NEGR1: variants seen among roughly 807,000 people sequenced by gnomAD.
NEGR1 encodes the protein IgLON family member 4.
Under a neutral mutation model 40.9 loss-of-function variants are expected in NEGR1, and 10 were observed. The ratio of observed to expected loss-of-function variants is 0.24; its 90% CI spans 0.15 to 0.42. The LOEUF (loss-of-function observed/expected upper bound fraction) is 0.42, where lower values mean the gene tolerates loss of function less well. NEGR1 is among the 10% of genes least tolerant of loss of function. The probability of loss-of-function intolerance (pLI) is 1.00; values close to 1 mark genes in which losing one functional copy is unlikely to be tolerated. For missense variants in NEGR1, 352 were observed against 438.9 expected (o/e 0.80, Z 1.77); for synonymous variants, 185 against 166.8 (o/e 1.11, Z -0.84).
chr1:71,694,307 C>T (rs1014962396), intron 4 of NEGR1, among the ~76,000 whole-genome samples: 8 of 151,068 alleles, frequency 5.3e-5, no homozygotes, highest in Non-Finnish European at 1.2e-4. Flanking sequence ...TTTCATGACC[C>T]CTTTTCATTA....
At chr1:72,198,132 A>G (rs1653065666) in intron 1 of NEGR1, among the ~76,000 whole-genome samples, 1 of 151,982 alleles carries the variant, frequency 6.6e-6, no homozygotes, top group Admixed American at 6.6e-5. Context: ...CTGAAAAGGT[A>G]CCTTCACTTT....
intron 3 of NEGR1, among the ~76,000 whole-genome samples, chr1:71,739,242 T>C (rs1655137589): frequency 6.9e-6 from 1 of 145,808 alleles, no homozygotes; most frequent in African/African-American, 2.6e-5. Flanking sequence ...GTGAAAAGAC[T>C]AGACTCGCTT....
intron 3 of NEGR1, among the ~76,000 whole-genome samples, chr1:71,775,346 CTTT>C (rs11290277): frequency 3.8e-4 from 50 of 131,478 alleles, no homozygotes; most frequent in Admixed American, 4.6e-4. Context: ...TATTCTTTAA[CTTT>C]TTTTTTTTTT....
chr1:72,004,400 G>A lies in NEGR1; in HGVS notation c.177-69089C>T, dbSNP rs145739119. 3.6e-3 allele frequency among the ~76,000 whole-genome samples: 549 copies of A among 152,134 alleles called. 2 individuals carry two copies. The highest frequency in any genetic ancestry group is 0.012 in the African/African-American group (515 of 41,526). Reference sequence around the variant, plus strand: ...CTGCTCATTGCAACCCCTGCCTCCCGGGTTCAAACTTCAGCCTCCTGAGTA... The same window carrying A: ...CTGCTCATTGCAACCCCTGCCTCCCAGGTTCAAACTTCAGCCTCCTGAGTA... On this transcript the variant is annotated intron_variant, in intron 1 of 6. Transcript: ENST00000357731.
chr1:71,688,540 C>A (rs1221565777), intron 4 of NEGR1, among the ~76,000 whole-genome samples: 1 of 146,972 alleles, frequency 6.8e-6, no homozygotes, highest in Non-Finnish European at 1.5e-5. Flanking sequence ...CTCACTGCAA[C>A]CTCTCCCTCC....
intron 1 of NEGR1, among the ~76,000 whole-genome samples, chr1:72,233,011 T>A (rs1654424619): frequency 6.6e-6 from 1 of 152,184 alleles, no homozygotes; most frequent in African/African-American, 2.4e-5. Context: ...AGTTATTGGG[T>A]AAAGATACCT....
chr1:72,043,148 C>T (rs1049792932), intron 1 of NEGR1, among the ~76,000 whole-genome samples: 1 of 151,886 alleles, frequency 6.6e-6, no homozygotes, highest in Admixed American at 6.6e-5. Context: ...GTCCATGAAG[C>T]CTCCTCCTCC....
At chr1:72,076,810 T>G (rs1429621425) in intron 1 of NEGR1, among the ~76,000 whole-genome samples, 2 of 151,818 alleles carry the variant, frequency 1.3e-5, no homozygotes, top group Admixed American at 6.6e-5. Flanking sequence ...ACAAAGTTTG[T>G]CAATGGGAGG....
intron 3 of NEGR1, among the ~76,000 whole-genome samples, chr1:71,720,172 C>T (rs1408441168): frequency 3.3e-5 from 5 of 152,076 alleles, no homozygotes; most frequent in Admixed American, 6.6e-5. Context: ...ATAAAGTAAG[C>T]GTTATCAACA....
chr1:71,513,380 T>C (rs1647090823), intron 6 of NEGR1, among the ~76,000 whole-genome samples: 1 of 152,186 alleles, frequency 6.6e-6, no homozygotes, highest in Non-Finnish European at 1.5e-5. Context: ...GGTCTCAGTT[T>C]TGTGGGACCA....
intron 6 of NEGR1, among the ~76,000 whole-genome samples, chr1:71,554,872 T>A (rs920619487): frequency 1.3e-5 from 2 of 151,468 alleles, no homozygotes; most frequent in African/African-American, 4.8e-5. Flanking sequence ...AGGGGACGCT[T>A]TAGAGCACCA....
At chr1:71,408,784 C>T (rs1006313293) in intron 6 of NEGR1, 14 of 151,916 alleles carry the variant, frequency 9.2e-5, no homozygotes, top group African/African-American at 1.4e-4. Context: ...GTAAAGAAAT[C>T]GACTACTTCA....
At chr1:72,130,740 C>A (rs1650216221) in intron 1 of NEGR1, among the ~76,000 whole-genome samples, 1 of 152,146 alleles carries the variant, frequency 6.6e-6, no homozygotes, top group African/African-American at 2.4e-5. Context: ...CCTCCTCAGC[C>A]AACGCAAAAT....
chr1:72,038,962 A>C (rs1287384311), intron 1 of NEGR1, among the ~76,000 whole-genome samples: 2 of 152,004 alleles, frequency 1.3e-5, no homozygotes, highest in African/African-American at 2.4e-5. Flanking sequence ...AACAAAATAA[A>C]ATGTGAGTAC....
intron 1 of NEGR1, among the ~76,000 whole-genome samples, chr1:72,174,406 TA>T (rs1281724928): frequency 6.6e-6 from 1 of 152,216 alleles, no homozygotes; most frequent in Admixed American, 6.5e-5. Flanking sequence ...TATGTTTGGA[TA>T]AATGTATAAT....
At chr1:72,011,041 A>T (rs1646652794) in intron 1 of NEGR1, among the ~76,000 whole-genome samples, 1 of 152,180 alleles carries the variant, frequency 6.6e-6, no homozygotes, top group Non-Finnish European at 1.5e-5. Flanking sequence ...AAGTAACAAG[A>T]GAAAAATTTA....
chr1:72,256,250 T>A (rs1372727097), intron 1 of NEGR1, among the ~76,000 whole-genome samples: 1 of 152,188 alleles, frequency 6.6e-6, no homozygotes. Flanking sequence ...ATAATTAATA[T>A]CTGCTAAGTG....
At chr1:71,718,908 T>A (rs544897842) in intron 3 of NEGR1, among the ~76,000 whole-genome samples, 1 of 152,328 alleles carries the variant, frequency 6.6e-6, no homozygotes, top group East Asian at 1.9e-4. Context: ...CCCTTGATCC[T>A]TCTTACAAAA....
chr1:72,203,274 G>A (rs1391862482), intron 1 of NEGR1, among the ~76,000 whole-genome samples: 1 of 152,050 alleles, frequency 6.6e-6, no homozygotes, highest in South Asian at 2.1e-4. Context: ...AATTCATTGG[G>A]GGAAGTCAAA....
Sources: allele counts gnomAD v4.1 joint callset (sites outside exome capture counted in the v4.1 genomes callset), GRCh38; gene constraint gnomAD v4.1.1; transcripts MANE v1.5; gene names NCBI Gene and HGNC (gene_info 2026-07-23, HGNC 2026-07-21).